THRB: variants seen among roughly 807,000 people sequenced by gnomAD.
THRB encodes the protein nuclear receptor subfamily 1 group A member 2.
A neutral mutation model predicts 47.8 loss-of-function variants in THRB; 12 were observed. The ratio of observed to expected loss-of-function variants is 0.25; its 90% CI spans 0.16 to 0.41. The LOEUF is 0.41. Ranked by LOEUF, THRB falls within the 10% of genes least tolerant of loss-of-function variation. THRB has a pLI of 1.00. For missense variants in THRB, 348 were observed against 589.2 expected (o/e 0.59, Z 4.24); for synonymous variants, 218 against 212.2 (o/e 1.03, Z -0.24).
At chr3:24,361,828 C>A (rs1240080224) in intron 1 of THRB, among the ~76,000 whole-genome samples, 1 of 152,058 alleles carries the variant, frequency 6.6e-6, no homozygotes, top group Non-Finnish European at 1.5e-5. Context: ...GTGAAATATA[C>A]CACATGTTGA....
chr3:24,343,360 G>A (rs761948249), intron 1 of THRB, among the ~76,000 whole-genome samples: 4 of 152,084 alleles, frequency 2.6e-5, no homozygotes, highest in African/African-American at 4.8e-5. Context: ...TTTAATGAGG[G>A]TCAAAAACAT....
At chr3:24,165,798 C>A (rs994598654) in intron 5 of THRB, among the ~76,000 whole-genome samples, 1 of 152,086 alleles carries the variant, frequency 6.6e-6, no homozygotes, top group South Asian at 2.1e-4. Context: ...GATTATAAAA[C>A]GATTACTCAT....
At chr3:24,133,695 AAG>A (rs10652016) in intron 8 of THRB, among the ~76,000 whole-genome samples, 4,966 of 150,306 alleles carry the variant, frequency 0.033, 250 homozygotes, top group African/African-American at 0.11. Flanking sequence ...TTGCTGCAGA[AAG>A]AGAGAGAGAG....
At chr3:24,304,642 A>T (rs2057207205) in intron 2 of THRB, among the ~76,000 whole-genome samples, 1 of 152,130 alleles carries the variant, frequency 6.6e-6, no homozygotes, top group African/African-American at 2.4e-5. Flanking sequence ...CAAAAATGTA[A>T]ACCTAAATAA....
chr3:24,296,338 CT>C (rs527487429), intron 3 of THRB, among the ~76,000 whole-genome samples: 64 of 152,338 alleles, frequency 4.2e-4, no homozygotes, highest in African/African-American at 1.4e-3. Flanking sequence ...GTTGATGTGG[CT>C]TCCTATTTTA....
At chr3:24,350,005 T>C (rs1267382878) in intron 1 of THRB, among the ~76,000 whole-genome samples, 1 of 152,038 alleles carries the variant, frequency 6.6e-6, no homozygotes, top group Non-Finnish European at 1.5e-5. Flanking sequence ...ATTCAGAATA[T>C]ATATTGAACT....
chr3:24,313,207 G>A (rs1189228175), intron 2 of THRB, among the ~76,000 whole-genome samples: 1 of 152,136 alleles, frequency 6.6e-6, no homozygotes, highest in Admixed American at 6.6e-5. Flanking sequence ...CTGTCATCAG[G>A]TCCAGTCTCC....
chr3:24,131,855 G>A (rs1202200243), intron 9 of THRB, among the ~76,000 whole-genome samples: 1 of 152,168 alleles, frequency 6.6e-6, no homozygotes, highest in African/African-American at 2.4e-5. Context: ...CTCAGTCTAT[G>A]GTATTCTGTT....
chr3:24,287,349 C>T (rs185640736), intron 3 of THRB, among the ~76,000 whole-genome samples: 4 of 152,248 alleles, frequency 2.6e-5, no homozygotes, highest in East Asian at 1.9e-4. Flanking sequence ...GAAAAAGAAC[C>T]TGCAGTTGGA....
At position 24,453,105 on chromosome 3, in the gene THRB, C is replaced by T. The variant is rs138616728; in HGVS notation, c.-261+41547G>A. ...ACCACCAAGTGTCTTGTACACAAGC[C>T]GGATACCTGTCAGTTGTCTTTGAAA... On this transcript the variant is annotated intron_variant, in intron 1 of 10. Coordinates refer to ENST00000646209, the MANE Select transcript of THRB (RefSeq NM_001354712.2). Among the ~76,000 whole-genome samples, 436 of 152,274 alleles carry T rather than the reference C, an allele frequency of 2.9e-3. 2 individuals carry two copies. The highest frequency in any genetic ancestry group is 9.2e-3 in the African/African-American group (383 of 41,560).
At chr3:24,306,677 A>G (rs868211296) in intron 2 of THRB, among the ~76,000 whole-genome samples, 131 of 152,272 alleles carry the variant, frequency 8.6e-4, no homozygotes, top group African/African-American at 3.0e-3. Flanking sequence ...GTCAAGAAAC[A>G]AAGTGTTAGG....
intron 2 of THRB, among the ~76,000 whole-genome samples, chr3:24,333,565 T>C (rs1380652529): frequency 6.6e-6 from 1 of 152,256 alleles, no homozygotes; most frequent in African/African-American, 2.4e-5. Flanking sequence ...CACATTAAAC[T>C]AAACTGGTTG....
intron 2 of THRB, among the ~76,000 whole-genome samples, chr3:24,321,656 T>A (rs190387244): frequency 6.6e-6 from 1 of 151,850 alleles, no homozygotes; most frequent in East Asian, 1.9e-4. Context: ...GGGAGGAAGG[T>A]CCACAGTTTT....
rs867036235 is a variant in THRB, at chr3:24,353,669, T to C, written c.-260-16298A>G. On this transcript the variant is annotated intron_variant, in intron 1 of 10. Coordinates refer to ENST00000646209, the MANE Select transcript of THRB (RefSeq NM_001354712.2). Reference sequence around the variant, plus strand: ...GTTTTATCATTTATTTCTCTGACTTTATATATTAGGCGATTCCATATGATA... The same window carrying C: ...GTTTTATCATTTATTTCTCTGACTTCATATATTAGGCGATTCCATATGATA... Among the ~76,000 whole-genome samples, 22 of 152,234 alleles carry C rather than the reference T, an allele frequency of 1.4e-4. 1 individual carries two copies. Among genetic ancestry groups the C allele is most frequent in the Middle Eastern group, 3.4e-3 (1 of 294 alleles).
At chr3:24,463,731 G>A (rs913351436) in intron 1 of THRB, among the ~76,000 whole-genome samples, 10 of 152,198 alleles carry the variant, frequency 6.6e-5, no homozygotes, top group Admixed American at 2.6e-4. Context: ...AGAGTCTCAT[G>A]GTAGACAAAC....
chr3:24,190,817 TCACGTGGCCACAC>T (rs2043235672), intron 4 of THRB, among the ~76,000 whole-genome samples: 1 of 151,090 alleles, frequency 6.6e-6, no homozygotes, highest in Non-Finnish European at 1.5e-5. Flanking sequence ...TGGGACGTGC[TCACGTGGCCACAC>T]CGAGAGTGGC....
chr3:24,217,433 T>C (rs1449138247), intron 4 of THRB, among the ~76,000 whole-genome samples: 6 of 152,192 alleles, frequency 3.9e-5, no homozygotes, highest in African/African-American at 1.4e-4. Flanking sequence ...CAAATATGTC[T>C]TTGATGATTA....
chr3:24,293,804 C>G (rs183357831), intron 3 of THRB, among the ~76,000 whole-genome samples: 1 of 152,162 alleles, frequency 6.6e-6, no homozygotes, highest in Admixed American at 6.5e-5. Flanking sequence ...GCCATTGTGG[C>G]GGCTGCAGCA....
rs1204369462 is a variant in THRB at position 24,487,354 on chromosome 3, A to T, written c.-261+7298T>A. ...GTTTTAGACACACAAGCACACACACACACACACACACACACAAATAAAATG... is the reference window on the plus strand; with the variant it reads ...GTTTTAGACACACAAGCACACACACTCACACACACACACACAAATAAAATG... On this transcript the variant is annotated intron_variant, in intron 1 of 10. Coordinates refer to ENST00000646209, the MANE Select transcript of THRB (RefSeq NM_001354712.2). Among the ~76,000 whole-genome samples, 21 of 152,058 alleles carry T rather than the reference A, an allele frequency of 1.4e-4. 1 individual carries two copies.
Sources: gnomAD v4.1 joint callset for allele counts (sites outside exome capture counted in the v4.1 genomes callset) on GRCh38, gnomAD v4.1.1 for gene constraint, MANE v1.5 for transcripts, NCBI Gene and HGNC (gene_info 2026-07-23, HGNC 2026-07-21) for gene names.